KIAA1549L: variants seen among roughly 807,000 people sequenced by gnomAD.
KIAA1549L encodes the protein UPF0606 protein KIAA1549L.
Under a neutral mutation model 160.7 loss-of-function variants are expected in KIAA1549L, and 88 were observed. That is an observed-to-expected ratio of 0.55 (90% CI 0.46 to 0.65). The LOEUF is 0.65. Among genes scored for constraint, KIAA1549L ranks in the 30% least tolerant of loss-of-function variants. The pLI, the probability that KIAA1549L is intolerant of heterozygous loss-of-function variation, is 0.00. For synonymous variants in KIAA1549L, 950 were observed against 976.7 expected, an observed-to-expected ratio of 0.97 and a Z score of 0.51; for missense variants, 2,258 against 2,437.5, an observed-to-expected ratio of 0.93 and a Z score of 1.55.
intron 1 of KIAA1549L, among the ~76,000 whole-genome samples, chr11:33,408,513 A>C (rs2134082446): frequency 6.7e-6 from 1 of 149,566 alleles, no homozygotes; most frequent in Admixed American, 6.7e-5. Context: ...ATATATATAC[A>C]CATGTATATA....
rs1849962108 is a variant in KIAA1549L, at chr11:33,376,772, A to T, written c.121A>T (p.Thr41Ser). Residue 41 changes from threonine (T) to serine (S), a missense_variant, in exon 1 of 21, where the codon ACG becomes TCG. Thr to Ser is a moderately conservative substitution (Grantham distance 58). Coordinates refer to ENST00000658780, the MANE Select transcript of KIAA1549L (RefSeq NM_012194.3). The surrounding 1 kb of genome is among the most constrained non-coding windows in gnomAD (Gnocchi z 5.8). ...GRAAWGAARC[T>S]GVRGPGAGAS... ...GGCTGCCTGGGGAGCCGCGCGCTGC[A>T]CGGGTGTGAGGGGCCCCGGGGCCGG... is the stretch of plus-strand genomic sequence containing the variant. The T allele has an allele frequency of 6.6e-6, 1 of 151,570 alleles. No homozygotes were observed. Among genetic ancestry groups the T allele is most frequent in the African/African-American group, 2.4e-5 (1 of 41,316 alleles). The allele number at this position is 151,570 out of a possible 1,614,324, so 9.4% of individuals were successfully genotyped here.
At chr11:33,398,499 G>A (rs1326546025) in intron 1 of KIAA1549L, among the ~76,000 whole-genome samples, 2 of 152,170 alleles carry the variant, frequency 1.3e-5, no homozygotes, top group Non-Finnish European at 2.9e-5. Flanking sequence ...TCATGGTAAG[G>A]TGCAGATGGC....
At chr11:33,652,451 C>T (rs1228988061) in intron 17 of KIAA1549L, among the ~76,000 whole-genome samples, 3 of 152,130 alleles carry the variant, frequency 2.0e-5, no homozygotes, top group Non-Finnish European at 2.9e-5. Flanking sequence ...TTGCTTTGTA[C>T]CTGGCAAAAT....
chr11:33,493,388 C>T (rs1852741300), intron 1 of KIAA1549L, among the ~76,000 whole-genome samples: 1 of 152,178 alleles, frequency 6.6e-6, no homozygotes, highest in Non-Finnish European at 1.5e-5. Flanking sequence ...ACTTCCCAGC[C>T]TCCAGATCTG....
chr11:33,446,788 TGTG>T (rs1233848614), intron 1 of KIAA1549L, among the ~76,000 whole-genome samples: 1 of 152,172 alleles, frequency 6.6e-6, no homozygotes, highest in Admixed American at 6.6e-5. Flanking sequence ...TGTCCTGAAA[TGTG>T]GTAGCTGGCT....
chr11:33,398,710 T>C (rs1274989930), intron 1 of KIAA1549L, among the ~76,000 whole-genome samples: 1 of 152,194 alleles, frequency 6.6e-6, no homozygotes, highest in Non-Finnish European at 1.5e-5. Flanking sequence ...AACACAACCA[T>C]TGATAGGATT....
intron 1 of KIAA1549L, among the ~76,000 whole-genome samples, chr11:33,537,015 A>C (rs765286517): frequency 7.9e-5 from 12 of 152,194 alleles, no homozygotes; most frequent in Non-Finnish European, 1.5e-4. Context: ...TGGCTACTGG[A>C]GCAATGGTCC....
chr11:33,548,823 C>T (rs1590332883), intron 4 of KIAA1549L, among the ~76,000 whole-genome samples: 1 of 152,174 alleles, frequency 6.6e-6, no homozygotes, highest in East Asian at 1.9e-4. Flanking sequence ...GTGGCTTCTT[C>T]TTTTGATGTT....
chr11:33,526,738 T>C (rs915398216), intron 1 of KIAA1549L, among the ~76,000 whole-genome samples: 2 of 152,188 alleles, frequency 1.3e-5, no homozygotes, highest in African/African-American at 4.8e-5. Context: ...TCTGGTAATA[T>C]GACAAGGTTC....
chr11:33,442,505 G>A (rs1392296418), intron 1 of KIAA1549L, among the ~76,000 whole-genome samples: 1 of 152,156 alleles, frequency 6.6e-6, no homozygotes, highest in Non-Finnish European at 1.5e-5. Context: ...CTTTGAAGAT[G>A]TATTTTTCCT....
chr11:33,423,208 T>C (rs1851054175), intron 1 of KIAA1549L, among the ~76,000 whole-genome samples: 1 of 152,186 alleles, frequency 6.6e-6, no homozygotes, highest in African/African-American at 2.4e-5. Flanking sequence ...TTCAATAGGA[T>C]CTAGTTTGAG....
At chr11:33,425,677 CTAT>C (rs1851101485) in intron 1 of KIAA1549L, among the ~76,000 whole-genome samples, 1 of 152,178 alleles carries the variant, frequency 6.6e-6, no homozygotes, top group Admixed American at 6.5e-5. Context: ...CTTATTTCCG[CTAT>C]TATTAGGAAA....
Position 33,668,129 on chromosome 11 carries a change from C to G in KIAA1549L, c.6416C>G (p.Thr2139Arg), listed in dbSNP as rs771556455. 1 of 1,613,782 alleles carries G rather than the reference C, an allele frequency of 6.2e-7. No individual in the cohort carries two copies. Among genetic ancestry groups the G allele is most frequent in the Non-Finnish European group, 8.5e-7 (1 of 1,179,836 alleles). The change falls in exon 21 of 21, where the codon ACA (threonine) becomes AGA (arginine). Residue 2139 changes from threonine to arginine, a missense_variant. By Grantham distance (71) the Thr-to-Arg change is moderately conservative. Transcript: ENST00000658780. ...GTGGCCAAGCTGGCCAAAAAACAGA[C>G]AGACATGTTTGAGTTCCAGGTCTAA... ...EEVAKLAKKQ[T>R]DMFEFQV
intron 9 of KIAA1549L, among the ~76,000 whole-genome samples, chr11:33,570,398 G>T (rs1434058544): frequency 6.6e-6 from 1 of 152,130 alleles, no homozygotes; most frequent in Non-Finnish European, 1.5e-5. Context: ...GCAAATCCCT[G>T]ATTTACAGAG....
At chr11:33,597,717 C>T (rs531116755) in intron 12 of KIAA1549L, among the ~76,000 whole-genome samples, 3 of 152,268 alleles carry the variant, frequency 2.0e-5, no homozygotes, top group Admixed American at 6.5e-5. Flanking sequence ...ATGAGAGTCC[C>T]GCCCTGAGGA....
At chr11:33,585,160 C>G (rs1855771122) in intron 11 of KIAA1549L, among the ~76,000 whole-genome samples, 1 of 152,178 alleles carries the variant, frequency 6.6e-6, no homozygotes, top group African/African-American at 2.4e-5. Flanking sequence ...CCAGACACAG[C>G]AGGATGTTGG....
intron 1 of KIAA1549L, among the ~76,000 whole-genome samples, chr11:33,529,948 G>A (rs920465722): frequency 2.0e-5 from 3 of 152,038 alleles, no homozygotes; most frequent in Non-Finnish European, 4.4e-5. Flanking sequence ...CTAGTAAGAT[G>A]TTTAGTCTTT....
chr11:33,478,434 T>G (rs918527400), intron 1 of KIAA1549L, among the ~76,000 whole-genome samples: 2 of 150,972 alleles, frequency 1.3e-5, no homozygotes, highest in African/African-American at 4.9e-5. Context: ...GCGAAAGAGG[T>G]TTTTTCAAGC....
chr11:33,594,929 C>T (rs1850159328), intron 12 of KIAA1549L, among the ~76,000 whole-genome samples: 1 of 152,202 alleles, frequency 6.6e-6, no homozygotes, highest in Non-Finnish European at 1.5e-5. Flanking sequence ...TTATTAATAA[C>T]TTATTTATCA....
Sources: gnomAD v4.1 joint callset for allele counts (sites outside exome capture counted in the v4.1 genomes callset) on GRCh38, gnomAD v4.1.1 for gene constraint, Gnocchi (gnomAD v3.1) non-coding constraint, MANE v1.5 for transcripts, NCBI Gene and HGNC (gene_info 2026-07-23, HGNC 2026-07-21) for gene names.